NCKAP5: variants seen among roughly 807,000 people sequenced by gnomAD.
The protein encoded by NCKAP5 is nck-associated protein 5.
NCKAP5 carries 92 observed loss-of-function variants against 167.0 expected under a neutral mutation model. That is an observed-to-expected ratio of 0.55 (90% CI 0.47 to 0.66). The LOEUF (loss-of-function observed/expected upper bound fraction) is 0.66. NCKAP5 is among the 30% of genes least tolerant of loss of function. The pLI is 0.00. For missense variants in NCKAP5, 2,378 were observed against 2,315.0 expected (o/e 1.03, Z -0.56); for synonymous variants, 891 against 877.4 (o/e 1.02, Z -0.27).
rs118080888 is a variant in NCKAP5 at position 132,982,199 on chromosome 2, G to A, written c.429+11953C>T. On this transcript the variant is annotated intron_variant, in intron 7 of 19. Transcript: ENST00000409261. The stretch of plus-strand genomic sequence containing the variant: ...TGAATACTTAAAATGTGCTATGCAC[G>A]CTATCATACATTATCTCTGATTGTT... Among the ~76,000 whole-genome samples the A allele has an allele frequency of 5.4e-4, 83 of 152,296 alleles. 1 individual carries two copies. In the East Asian group the frequency reaches 0.014, roughly 26 times the overall value.
chr2:132,917,936 A>T (rs1695009512), intron 8 of NCKAP5, among the ~76,000 whole-genome samples: 1 of 152,200 alleles, frequency 6.6e-6, no homozygotes, highest in Non-Finnish European at 1.5e-5. Context: ...CACATTAAAC[A>T]CTAGCTATCA....
chr2:132,719,060 A>G lies in NCKAP5; in HGVS notation c.5713+6567T>C, dbSNP rs569801810. ...GGGGTTAAATGAAAGGTTAGAGAAG[A>G]AGGGTGTTAGTACAAAAGCCATTCC... On this transcript the variant is annotated intron_variant, in intron 19 of 19. Coordinates refer to ENST00000409261, the MANE Select transcript of NCKAP5 (RefSeq NM_207363.3). 5.3e-5 allele frequency among the ~76,000 whole-genome samples: 8 copies of G among 152,292 alleles called. No individual in the cohort carries two copies. In the South Asian group the frequency reaches 1.7e-3, roughly 32 times the overall value.
chr2:133,072,958 CA>C (rs1235389768), intron 6 of NCKAP5, among the ~76,000 whole-genome samples: 4 of 152,122 alleles, frequency 2.6e-5, no homozygotes, highest in Admixed American at 1.3e-4. Flanking sequence ...CTAACTACAA[CA>C]AAAAAACTCC....
chr2:133,156,144 G>A (rs929133259), intron 5 of NCKAP5, among the ~76,000 whole-genome samples: 5 of 152,150 alleles, frequency 3.3e-5, no homozygotes, highest in African/African-American at 1.2e-4. Flanking sequence ...TTTCAGATGT[G>A]CCATCTATTT....
chr2:132,695,614 T>C (rs1687230122), intron 19 of NCKAP5, among the ~76,000 whole-genome samples: 1 of 152,224 alleles, frequency 6.6e-6, no homozygotes, highest in African/African-American at 2.4e-5. Context: ...ACTGGCTTCT[T>C]ACTTTGACCT....
chr2:132,777,062 A>T (rs1297611537), intron 15 of NCKAP5, among the ~76,000 whole-genome samples: 1 of 152,216 alleles, frequency 6.6e-6, no homozygotes, highest in Non-Finnish European at 1.5e-5. Flanking sequence ...CATGTCAGTT[A>T]TGTCCTATTT....
At chr2:133,308,109 G>C (rs1478642331) in intron 3 of NCKAP5, among the ~76,000 whole-genome samples, 2 of 95,244 alleles carry the variant, frequency 2.1e-5, no homozygotes, top group African/African-American at 8.6e-5. Flanking sequence ...TTTTTTTTGA[G>C]ACGGAGTCTC....
intron 4 of NCKAP5, among the ~76,000 whole-genome samples, chr2:133,277,158 A>G (rs1464389333): frequency 2.0e-5 from 3 of 152,196 alleles, no homozygotes; most frequent in African/African-American, 7.2e-5. Flanking sequence ...CTCCACTTCT[A>G]TTAAACATTT....
chr2:132,880,487 G>A (rs1479525720), intron 8 of NCKAP5, among the ~76,000 whole-genome samples: 3 of 152,000 alleles, frequency 2.0e-5, no homozygotes, highest in Non-Finnish European at 2.9e-5. Context: ...AAAATTAACC[G>A]GGCTTGGTGG....
intron 7 of NCKAP5, among the ~76,000 whole-genome samples, chr2:132,987,120 C>A (rs1475441142): frequency 6.6e-6 from 1 of 152,194 alleles, no homozygotes; most frequent in African/African-American, 2.4e-5. Context: ...GTCCAGCCTG[C>A]AGCCACTAGA....
intron 19 of NCKAP5, among the ~76,000 whole-genome samples, chr2:132,700,046 A>G (rs539753623): frequency 1.4e-4 from 21 of 152,238 alleles, no homozygotes; most frequent in Non-Finnish European, 2.2e-4. Flanking sequence ...ATGGTATCTC[A>G]TTGTGGTTTT....
At chr2:132,899,092 G>C (rs1008299705) in intron 8 of NCKAP5, among the ~76,000 whole-genome samples, 1 of 152,152 alleles carries the variant, frequency 6.6e-6, no homozygotes, top group African/African-American at 2.4e-5. Context: ...GTTGTTTAGT[G>C]TAGTAGCTTT....
chr2:133,424,801 C>T lies in NCKAP5; in HGVS notation c.69+92657G>A, dbSNP rs939212178. ...CAAAATCCCTAGTGGTTCTGAGGCACGTGACAGTTTGAGGAGTCCTGTTTT... is the reference window on the plus strand; with the variant it reads ...CAAAATCCCTAGTGGTTCTGAGGCATGTGACAGTTTGAGGAGTCCTGTTTT... On this transcript the variant is annotated intron_variant, in intron 3 of 19. Transcript: ENST00000409261. Among the ~76,000 whole-genome samples, 7 of 152,226 alleles carry T rather than the reference C, an allele frequency of 4.6e-5. 1 individual carries two copies. The East Asian group carries it at 9.6e-4, about 21-fold the overall frequency.
the NCKAP5 span, among the ~76,000 whole-genome samples, chr2:133,579,352 G>A: frequency 6.6e-6 from 1 of 152,186 alleles, no homozygotes; most frequent in African/African-American, 2.4e-5. Flanking sequence ...ACTAAAGAAG[G>A]AGGTTTGTCC....
chr2:132,717,603 G>A (rs4954354), intron 19 of NCKAP5, among the ~76,000 whole-genome samples: 29,657 of 152,094 alleles, frequency 0.19, 3,912 homozygotes, highest in East Asian at 0.44. Flanking sequence ...AAATATCCAA[G>A]CTGAGGAATT....
At chr2:132,832,713 G>A (rs1558834489) in intron 11 of NCKAP5, among the ~76,000 whole-genome samples, 1 of 152,068 alleles carries the variant, frequency 6.6e-6, no homozygotes, top group Non-Finnish European at 1.5e-5. Flanking sequence ...TCTTTTTTAT[G>A]TCTGAACAGT....
chr2:133,530,286 C>A (rs1049080541), intron 2 of NCKAP5, among the ~76,000 whole-genome samples: 6 of 152,010 alleles, frequency 3.9e-5, no homozygotes, highest in African/African-American at 9.7e-5. Context: ...AATCTATGCA[C>A]CTGTCCTTGT....
chr2:132,955,628 G>C (rs958408778), intron 8 of NCKAP5, among the ~76,000 whole-genome samples: 5 of 152,130 alleles, frequency 3.3e-5, no homozygotes, highest in Admixed American at 1.3e-4. Flanking sequence ...ACATGTGCAT[G>C]TGTCTTTATA....
At chr2:132,914,668 C>G (rs550664943) in intron 8 of NCKAP5, among the ~76,000 whole-genome samples, 1 of 152,172 alleles carries the variant, frequency 6.6e-6, no homozygotes, top group East Asian at 1.9e-4. Context: ...TAAAGGACTT[C>G]TGAATTCTAT....
Sources: gnomAD v4.1 joint callset for allele counts (sites outside exome capture counted in the v4.1 genomes callset) on GRCh38, gnomAD v4.1.1 for gene constraint, MANE v1.5 for transcripts, NCBI Gene and HGNC (gene_info 2026-07-23, HGNC 2026-07-21) for gene names.